EIPR1: variants seen among roughly 807,000 people sequenced by gnomAD.
EIPR1 encodes the protein EARP and GARP complex-interacting protein 1.
In EIPR1, 25 loss-of-function variants were observed where a neutral mutation model predicts 48.1. The ratio of observed to expected loss-of-function variants is 0.52; its 90% CI spans 0.38 to 0.73. The LOEUF is 0.73. Ranked by LOEUF, EIPR1 falls within the 30% of genes least tolerant of loss-of-function variation. The pLI is 0.00. For synonymous variants in EIPR1, 204 were observed against 201.9 expected, an observed-to-expected ratio of 1.01 and a Z score of -0.09; for missense variants, 415 against 506.2, an observed-to-expected ratio of 0.82 and a Z score of 1.73.
At chr2:3,203,600 G>A (rs1233403128) in intron 5 of EIPR1, among the ~76,000 whole-genome samples, 1 of 152,244 alleles carries the variant, frequency 6.6e-6, no homozygotes, top group Admixed American at 6.5e-5. Context: ...GTGACATGAG[G>A]AGGCTGAAAA....
chr2:3,252,951 CT>C (rs1189532499), intron 4 of EIPR1, among the ~76,000 whole-genome samples: 1 of 152,240 alleles, frequency 6.6e-6, no homozygotes, highest in Admixed American at 6.5e-5. Context: ...AGCCAGGGCT[CT>C]TTTAAAATTT....
At chr2:3,266,022 G>A (rs1667475631) in intron 3 of EIPR1, among the ~76,000 whole-genome samples, 1 of 152,212 alleles carries the variant, frequency 6.6e-6, no homozygotes, top group Admixed American at 6.5e-5. Flanking sequence ...ATGAGATAAA[G>A]AGATAATCAG....
intron 5 of EIPR1, among the ~76,000 whole-genome samples, chr2:3,202,159 G>C (rs766680083): frequency 2.0e-5 from 3 of 152,244 alleles, no homozygotes; most frequent in South Asian, 2.1e-4. Context: ...GGATGGTCTC[G>C]ATCTTCTGAC....
At chr2:3,191,242 C>T (rs1285664560) in intron 8 of EIPR1, among the ~76,000 whole-genome samples, 136 of 123,864 alleles carry the variant, frequency 1.1e-3, no homozygotes, top group Non-Finnish European at 1.3e-3. Flanking sequence ...TCAGATGGGC[C>T]CATCGCCACT....
chr2:3,349,649 A>AGGGACAGGGAGCAGGCTGGGAGATG (rs1670509554), intron 2 of EIPR1, among the ~76,000 whole-genome samples: 4 of 149,300 alleles, frequency 2.7e-5, no homozygotes, highest in African/African-American at 9.8e-5. Flanking sequence ...GCTGGGAGAC[A>AGGGACAGGGAGCAGGCTGGGAGATG]GGGACAGGGA....
intron 4 of EIPR1, among the ~76,000 whole-genome samples, chr2:3,215,954 G>A (rs917794105): frequency 6.6e-6 from 1 of 152,188 alleles, no homozygotes; most frequent in African/African-American, 2.4e-5. Context: ...CACATAATAT[G>A]TAGTAAACAA....
intron 4 of EIPR1, among the ~76,000 whole-genome samples, chr2:3,232,070 T>C (rs919606540): frequency 6.6e-6 from 1 of 152,216 alleles, no homozygotes; most frequent in African/African-American, 2.4e-5. Context: ...GTAGGTTGTA[T>C]GTTTCCTCTA....
At chr2:3,362,649 CAAAA>C (rs34072545) in intron 1 of EIPR1, among the ~76,000 whole-genome samples, 40 of 100,344 alleles carry the variant, frequency 4.0e-4, no homozygotes, top group East Asian at 4.0e-3. Context: ...GACTCTGTCT[CAAAA>C]AAAAAAAAAA....
At chr2:3,336,683 GC>G (rs1670053032) in intron 3 of EIPR1, among the ~76,000 whole-genome samples, 1 of 152,004 alleles carries the variant, frequency 6.6e-6, no homozygotes, top group African/African-American at 2.4e-5. Flanking sequence ...CAGGAGAATT[GC>G]TTGAACCTGG....
At chr2:3,328,495 C>CAG (rs201766797) in intron 3 of EIPR1, among the ~76,000 whole-genome samples, 180 of 99,084 alleles carry the variant, frequency 1.8e-3, no homozygotes, top group Middle Eastern at 6.2e-3. Context: ...CTAATGATCT[C>CAG]GGTGCCAGCC....
chr2:3,203,789 A>G (rs1326265939), intron 5 of EIPR1, among the ~76,000 whole-genome samples: 1 of 152,190 alleles, frequency 6.6e-6, no homozygotes, highest in Admixed American at 6.5e-5. Context: ...GGCTGGGATG[A>G]GGCAAGCTCC....
intron 1 of EIPR1, among the ~76,000 whole-genome samples, chr2:3,365,408 G>A (rs1185890516): frequency 6.6e-6 from 1 of 152,152 alleles, no homozygotes; most frequent in African/African-American, 2.4e-5. Context: ...AGAGTTCCAG[G>A]CTGCCATGAG....
intron 2 of EIPR1, among the ~76,000 whole-genome samples, chr2:3,344,634 CTTTTTTTTTTTT>C (rs1178498027): frequency 1.6e-4 from 12 of 74,216 alleles, no homozygotes; most frequent in East Asian, 9.0e-4. Context: ...GGTTCTGGTT[CTTTTTTTTTTTT>C]TTTTTTTTTT....
chr2:3,367,156 G>A (rs1670994710), intron 1 of EIPR1, among the ~76,000 whole-genome samples: 1 of 151,474 alleles, frequency 6.6e-6, no homozygotes, highest in Non-Finnish European at 1.5e-5. Flanking sequence ...TCAATTCTCA[G>A]AGACTTCACT....
At position 3,332,928 on chromosome 2, in the gene EIPR1, G is replaced by A. The variant is rs114948734; in HGVS notation, c.259+5089C>T. 7.2e-3 allele frequency among the ~76,000 whole-genome samples: 1,102 copies of A among 152,292 alleles called. 13 individuals carry two copies. Among genetic ancestry groups the A allele is most frequent in the African/African-American group, 0.026 (1,062 of 41,562 alleles). On this transcript the variant is annotated intron_variant, in intron 3 of 8. Coordinates refer to ENST00000382125, the MANE Select transcript of EIPR1 (RefSeq NM_003310.5). ...TTGCATGAATAGAGATTTAAGCTAG[G>A]AGAGATGGATGTATGGGTTTAATCT...
At chr2:3,272,137 TAAAG>T in intron 3 of EIPR1, among the ~76,000 whole-genome samples, 1 of 152,366 alleles carries the variant, frequency 6.6e-6, no homozygotes, top group Non-Finnish European at 1.5e-5. Context: ...CTTCATGGAA[TAAAG>T]AGTGAGGGTC....
In EIPR1 at chr2:3,335,304, C is replaced by T. The variant is rs370598152; in HGVS notation, c.259+2713G>A. Reference sequence around the variant, plus strand: ...GCCGCAGTAACAACTGCCTGAAATGCGGGAGGAGCTCTGGATTTTGGCAGT... The same window carrying T: ...GCCGCAGTAACAACTGCCTGAAATGTGGGAGGAGCTCTGGATTTTGGCAGT... On this transcript the variant is annotated intron_variant, in intron 3 of 8. Transcript: ENST00000382125. Among the ~76,000 whole-genome samples the T allele has an allele frequency of 1.3e-3, 202 of 152,260 alleles. 1 individual carries two copies. Among genetic ancestry groups the T allele is most frequent in the African/African-American group, 4.7e-3 (196 of 41,532 alleles).
chr2:3,265,060 T>C (rs556357690), intron 3 of EIPR1, among the ~76,000 whole-genome samples: 6 of 22,848 alleles, frequency 2.6e-4, no homozygotes, highest in Non-Finnish European at 4.7e-4. Flanking sequence ...TTTACATAGA[T>C]TTTCCAAAAG....
intron 3 of EIPR1, among the ~76,000 whole-genome samples, chr2:3,269,909 C>T (rs1175810878): frequency 6.6e-6 from 1 of 152,234 alleles, no homozygotes; most frequent in African/African-American, 2.4e-5. Context: ...TGAAGAGGAG[C>T]ACCATCCCTC....
Sources: allele counts gnomAD v4.1 joint callset (sites outside exome capture counted in the v4.1 genomes callset), GRCh38; gene constraint gnomAD v4.1.1; transcripts MANE v1.5; gene names NCBI Gene and HGNC (gene_info 2026-07-23, HGNC 2026-07-21).